Variants in GPALPP1 observed in about 807,000 individuals in gnomAD.
GPALPP1 encodes GPALPP motifs containing 1.
GPALPP1 carries 30 observed loss-of-function variants against 38.9 expected under a neutral mutation model. The observed-to-expected ratio is 0.77, with a 90% CI of 0.58 to 1.05. The LOEUF is 1.05. Among genes scored for constraint, GPALPP1 ranks in the 50% least tolerant of loss-of-function variants. The pLI is 0.00. For synonymous variants in GPALPP1, 120 were observed against 139.2 expected (o/e 0.86, Z 0.97); for missense variants, 384 against 408.8 (o/e 0.94, Z 0.52).
Position 45,028,084 on chromosome 13 carries a change from G to T in GPALPP1, c.*81G>T. The T allele has an allele frequency of 2.9e-6, 2 of 686,116 alleles. No individual in the cohort carries two copies. Among genetic ancestry groups the T allele is most frequent in the South Asian group, 2.3e-5 (1 of 44,116 alleles). The allele number at this position is 686,116 out of a possible 1,614,324, so 42.5% of individuals were successfully genotyped here. ...ATACTCTATTGTCTTTAATAATTGT[G>T]CTGAAATCTATTTCCTTTTATAATA... On this transcript the variant is annotated 3_prime_UTR_variant, in exon 8 of 8. Transcript: ENST00000379151.
Position 45,006,316 on chromosome 13 carries a change from AAT to A in GPALPP1, c.323+16_323+17del. ...ATTCTCCTCCAAGGTGATAATGTGTAATATTTTAGGCCAGTCTTTCTTTAAAT... is the reference window on the plus strand; with the variant it reads ...ATTCTCCTCCAAGGTGATAATGTGTAATTTTAGGCCAGTCTTTCTTTAAAT... On this transcript the variant is annotated intron_variant, in intron 3 of 7. Transcript: ENST00000379151. The A allele has an allele frequency of 7.7e-7, 1 of 1,303,630 alleles. No homozygotes were observed. The highest frequency in any genetic ancestry group is 1.1e-6 in the Non-Finnish European group (1 of 907,884). The allele number at this position is 1,303,630 out of a possible 1,614,324, so 80.8% of individuals were successfully genotyped here. A position where few individuals can be genotyped will look rare whatever the true frequency, so the allele number is the denominator to read the frequency against.
exon 8 of GPALPP1, chr13:45,036,853 A>T (rs376419426): frequency 6.6e-6 from 1 of 152,234 alleles, no homozygotes; most frequent in East Asian, 1.9e-4. Flanking sequence ...GCTACTCAGG[A>T]AGCTAAGGCA....
At chr13:45,006,348 T>A in intron 3 of GPALPP1, 45 bp downstream of exon 3, 1 of 889,802 alleles carries the variant, frequency 1.1e-6, no homozygotes, top group Non-Finnish European at 1.8e-6. Context: ...TTAAATATTT[T>A]AACTAATGAA....
In GPALPP1 at chr13:44,989,754, C is replaced by A; in HGVS notation, c.88+12C>A. The A allele has an allele frequency of 6.3e-7, 1 of 1,595,626 alleles. No homozygotes were observed. The highest frequency in any genetic ancestry group is 8.5e-7 in the Non-Finnish European group (1 of 1,170,650). On this transcript the variant is annotated intron_variant, in intron 1 of 7. Transcript: ENST00000379151. ...GGACCCGAGCCCTGGTAAGCGGCGG[C>A]GTCTCCGCTGCCCACCAGGCCCATC...
rs1566084427 is a variant in GPALPP1 at position 45,024,160 on chromosome 13, T to TGTGTGTGTGTGC, written c.805-3614_805-3613insCGTGTGTGTGTG. On this transcript the variant is annotated intron_variant, in intron 7 of 7. Transcript: ENST00000379151. ...TCCCCTAAAACTCTGTGTGTGTGTG[T>TGTGTGTGTGTGC]GTGTGTGTGTGTGTGTGTGTGTGTG... Among the ~76,000 whole-genome samples the TGTGTGTGTGTGC allele has an allele frequency of 6.8e-4, 9 of 13,328 alleles. No individual in the cohort carries two copies. The East Asian group carries it at 0.03, about 44-fold the overall frequency. The allele number at this position is 13,328 out of a possible 152,430, so 8.7% of individuals were successfully genotyped here.
At chr13:45,017,720 T>C (rs991817603) in intron 6 of GPALPP1, among the ~76,000 whole-genome samples, 2 of 152,236 alleles carry the variant, frequency 1.3e-5, no homozygotes, top group Non-Finnish European at 2.9e-5. Flanking sequence ...CAGGCTATAT[T>C]GTTTGAACTT....
At chr13:45,035,736 A>G (rs1876383990) in exon 8 of GPALPP1, 1 of 152,248 alleles carries the variant, frequency 6.6e-6, no homozygotes, top group Non-Finnish European at 1.5e-5. Flanking sequence ...TTCTATCAGA[A>G]TCACCTAGGA....
chr13:45,005,521 T>C (rs920063772), intron 2 of GPALPP1, among the ~76,000 whole-genome samples: 9 of 152,146 alleles, frequency 5.9e-5, no homozygotes, highest in African/African-American at 1.9e-4. Flanking sequence ...CAGGTGGAAA[T>C]AGCAACTTAA....
At chr13:44,994,649 T>C (rs1228521138) in intron 1 of GPALPP1, among the ~76,000 whole-genome samples, 1 of 152,222 alleles carries the variant, frequency 6.6e-6, no homozygotes, top group Non-Finnish European at 1.5e-5. Context: ...AAACTTCATC[T>C]TGGGATTCAG....
At chr13:44,994,123 TG>T (rs1260798861) in intron 1 of GPALPP1, among the ~76,000 whole-genome samples, 1 of 123,484 alleles carries the variant, frequency 8.1e-6, no homozygotes, top group African/African-American at 3.2e-5. Flanking sequence ...GAGGCTGAGG[TG>T]GGAGGATCGC....
Position 45,028,008 on chromosome 13 carries a change from G to A in GPALPP1, c.*5G>A, listed in dbSNP as rs770197504. On this transcript the variant is annotated 3_prime_UTR_variant, in exon 8 of 8. Coordinates refer to ENST00000379151, the MANE Select transcript of GPALPP1 (RefSeq NM_018559.5). Reference sequence around the variant, plus strand: ...AAAGGCAATATGTTTTTATAAGTAAGTATATTTCAGTGAGGTATATTTTAA... The same window carrying A: ...AAAGGCAATATGTTTTTATAAGTAAATATATTTCAGTGAGGTATATTTTAA... The A allele has an allele frequency of 2.1e-6, 3 of 1,416,710 alleles. No homozygotes were observed. Among genetic ancestry groups the A allele is most frequent in the South Asian group, 2.3e-5 (2 of 86,238 alleles). 87.8% of individuals were successfully genotyped at this position (1,416,710 alleles called of 1,614,324 possible).
downstream of GPALPP1, chr13:45,031,570 CCT>C (rs1876197805): frequency 6.6e-6 from 1 of 152,098 alleles, no homozygotes; most frequent in Non-Finnish European, 1.5e-5. Flanking sequence ...AGGAGAGAAA[CCT>C]CTGCTTTCCG....
intron 1 of GPALPP1, among the ~76,000 whole-genome samples, chr13:44,994,370 G>A (rs558823576): frequency 4.6e-5 from 7 of 152,080 alleles, no homozygotes; most frequent in African/African-American, 1.7e-4. Context: ...ATCACCTGAG[G>A]TCAGGAATTC....
chr13:45,016,317 G>A (rs1167662150), intron 6 of GPALPP1, among the ~76,000 whole-genome samples: 4 of 152,028 alleles, frequency 2.6e-5, no homozygotes, highest in South Asian at 2.1e-4. Context: ...AGCCAGGCGC[G>A]GTGGCATGTG....
chr13:45,034,335 A>T (rs553160017), downstream of GPALPP1: 14 of 152,222 alleles, frequency 9.2e-5, no homozygotes, highest in Non-Finnish European at 1.9e-4. Flanking sequence ...AGATCTGAGT[A>T]AAAAAGATCA....
chr13:44,991,191 G>C (rs1384626716), intron 1 of GPALPP1, among the ~76,000 whole-genome samples: 1 of 152,176 alleles, frequency 6.6e-6, no homozygotes, highest in African/African-American at 2.4e-5. Context: ...GCTCACGCCT[G>C]TGAACCCAGC....
Position 44,989,954 on chromosome 13 carries a change from G to T in GPALPP1, c.88+212G>T. The T allele has an allele frequency of 1.7e-5, 10 of 594,380 alleles. 1 individual carries two copies. The highest frequency in any genetic ancestry group is 4.5e-4 in the Middle Eastern group (1 of 2,242). The allele number at this position is 594,380 out of a possible 1,614,324, so 36.8% of individuals were successfully genotyped here. A position where few individuals can be genotyped will look rare whatever the true frequency, so the allele number is the denominator to read the frequency against. ...ACGAGCTTTGGCGTGGTTTGGCTTC[G>T]TGATGATAATACATTCTCATTTAGC... is the stretch of plus-strand genomic sequence containing the variant. On this transcript the variant is annotated intron_variant, in intron 1 of 7. Transcript: ENST00000379151.
chr13:45,020,939 T>C (rs1875385718), intron 7 of GPALPP1, among the ~76,000 whole-genome samples: 2 of 152,188 alleles, frequency 1.3e-5, no homozygotes, highest in Admixed American at 1.3e-4. Flanking sequence ...AGACCCCTAC[T>C]CACTCATGGA....
chr13:44,993,586 G>A (rs1873008922), intron 1 of GPALPP1, among the ~76,000 whole-genome samples: 1 of 152,056 alleles, frequency 6.6e-6, no homozygotes, highest in Admixed American at 6.5e-5. Context: ...GGAGGCTGAG[G>A]CTTGAGAATC....
Sources: allele counts gnomAD v4.1 joint callset (sites outside exome capture counted in the v4.1 genomes callset), GRCh38; gene constraint gnomAD v4.1.1; transcripts MANE v1.5; gene names NCBI Gene and HGNC (gene_info 2026-07-23, HGNC 2026-07-21).